CAMTA1: variants seen among roughly 807,000 people sequenced by gnomAD.
CAMTA1 encodes the protein calmodulin-binding transcription activator 1.
Under a neutral mutation model 170.9 loss-of-function variants are expected in CAMTA1, and 27 were observed. That is an observed-to-expected ratio of 0.16 (90% CI 0.12 to 0.22). CAMTA1 has a LOEUF of 0.22. Among genes scored for constraint, CAMTA1 ranks in the 10% least tolerant of loss-of-function variants. CAMTA1 has a pLI of 1.00. For missense variants in CAMTA1, 1,619 were observed against 2,217.2 expected (o/e 0.73, Z 5.42); for synonymous variants, 833 against 891.5 (o/e 0.93, Z 1.17).
chr1:7,221,616 G>C (rs1660785078), intron 4 of CAMTA1, among the ~76,000 whole-genome samples: 1 of 152,100 alleles, frequency 6.6e-6, no homozygotes, highest in Non-Finnish European at 1.5e-5. Context: ...CCCGTGGAAT[G>C]GGGTGGGGAA....
At chr1:7,549,887 G>A (rs542861158) in intron 6 of CAMTA1, among the ~76,000 whole-genome samples, 2 of 152,232 alleles carry the variant, frequency 1.3e-5, no homozygotes, top group African/African-American at 4.8e-5. Flanking sequence ...GGCCCTGGGG[G>A]CTCAGAGAAG....
At chr1:7,666,861 C>T (rs1392754462) in intron 9 of CAMTA1, among the ~76,000 whole-genome samples, 2 of 151,850 alleles carry the variant, frequency 1.3e-5, no homozygotes, top group African/African-American at 2.4e-5. Flanking sequence ...GTTTCTGACC[C>T]CCCTGCTGTT....
At chr1:6,799,066 CTTA>C (rs1362974513) in intron 1 of CAMTA1, among the ~76,000 whole-genome samples, 1 of 151,890 alleles carries the variant, frequency 6.6e-6, no homozygotes, top group Non-Finnish European at 1.5e-5. Context: ...TTATTCGTTA[CTTA>C]TTATTAATTA....
At chr1:7,750,744 G>A (rs761761967) in intron 19 of CAMTA1, among the ~76,000 whole-genome samples, 4 of 152,214 alleles carry the variant, frequency 2.6e-5, no homozygotes, top group East Asian at 1.9e-4. Flanking sequence ...GAAACTTGTC[G>A]TGTGGAATGA....
intron 6 of CAMTA1, among the ~76,000 whole-genome samples, chr1:7,526,449 G>A (rs2094432970): frequency 6.6e-6 from 1 of 152,174 alleles, no homozygotes; most frequent in South Asian, 2.1e-4. Context: ...CCCCTGCAGT[G>A]GAAGAGGCTG....
chr1:6,936,961 C>A (rs1685418097), intron 3 of CAMTA1, among the ~76,000 whole-genome samples: 1 of 152,070 alleles, frequency 6.6e-6, no homozygotes, highest in Non-Finnish European at 1.5e-5. Flanking sequence ...GCACTCCAGC[C>A]TGGGCGACAG....
chr1:7,255,468 A>G (rs940121469), intron 5 of CAMTA1, among the ~76,000 whole-genome samples: 4 of 151,848 alleles, frequency 2.6e-5, no homozygotes, highest in African/African-American at 9.7e-5. Flanking sequence ...CTAGGTCCAC[A>G]TTGTCTTAGC....
intron 4 of CAMTA1, among the ~76,000 whole-genome samples, chr1:7,096,682 T>G (rs1287082887): frequency 1.3e-5 from 2 of 152,220 alleles, no homozygotes; most frequent in Non-Finnish European, 2.9e-5. Flanking sequence ...ATTCACATCC[T>G]CATTTTCGTA....
chr1:7,149,865 G>A (rs1219079715), intron 4 of CAMTA1, among the ~76,000 whole-genome samples: 3 of 152,218 alleles, frequency 2.0e-5, no homozygotes, highest in Non-Finnish European at 4.4e-5. Flanking sequence ...GGAGCAGCAT[G>A]TTTATGGCAA....
At chr1:7,135,736 AT>A (rs1014788899) in intron 4 of CAMTA1, among the ~76,000 whole-genome samples, 3 of 152,160 alleles carry the variant, frequency 2.0e-5, no homozygotes, top group Non-Finnish European at 2.9e-5. Flanking sequence ...TTCCTTGAAG[AT>A]TTTAGCACCT....
intron 5 of CAMTA1, among the ~76,000 whole-genome samples, chr1:7,278,524 C>T (rs1333406298): frequency 3.3e-5 from 5 of 152,190 alleles, no homozygotes; most frequent in African/African-American, 1.2e-4. Context: ...AACAACTCTG[C>T]AATGTTTCAT....
intron 3 of CAMTA1, among the ~76,000 whole-genome samples, chr1:6,901,502 A>T (rs1676928883): frequency 1.3e-5 from 2 of 152,274 alleles, no homozygotes; most frequent in Non-Finnish European, 2.9e-5. Flanking sequence ...TCCATAATGT[A>T]TGAAGAACTT....
rs191175515 is a variant in CAMTA1 at position 6,908,078 on chromosome 1, C to T, written c.234+82868C>T. On this transcript the variant is annotated intron_variant, in intron 3 of 22. Transcript: ENST00000303635. The stretch of plus-strand genomic sequence containing the variant: ...CCAAGTAAGTTGCTGTCCCTTCTGC[C>T]TGGACCCCCAGACAGTGCCCACCCT... Among the ~76,000 whole-genome samples, 265 of 152,334 alleles carry T rather than the reference C, an allele frequency of 1.7e-3. 1 individual carries two copies. The highest frequency in any genetic ancestry group is 3.4e-3 in the Middle Eastern group (1 of 294).
At chr1:7,723,919 A>T (rs562181186) in intron 11 of CAMTA1, among the ~76,000 whole-genome samples, 4 of 152,320 alleles carry the variant, frequency 2.6e-5, no homozygotes. Flanking sequence ...TCCTGGGTTC[A>T]AGTAACTCTC....
chr1:7,269,958 G>GA (rs1163643644), intron 5 of CAMTA1, among the ~76,000 whole-genome samples: 1 of 151,964 alleles, frequency 6.6e-6, no homozygotes, highest in Non-Finnish European at 1.5e-5. Context: ...ATTAGGCAGA[G>GA]AAAAACACAT....
rs942956218 is a variant in CAMTA1, at chr1:7,489,973, C to A, written c.510+22072C>A. 7.9e-5 allele frequency among the ~76,000 whole-genome samples: 12 copies of A among 152,196 alleles called. 1 individual carries two copies. Among genetic ancestry groups the A allele is most frequent in the Admixed American group, 6.5e-4 (10 of 15,274 alleles). On this transcript the variant is annotated intron_variant, in intron 6 of 22. Coordinates refer to ENST00000303635, the MANE Select transcript of CAMTA1 (RefSeq NM_015215.4). The stretch of plus-strand genomic sequence containing the variant: ...AGCGGTTACGGGAGGGCACTTGGAT[C>A]CCCGAGGAAATGTTCCACGCCGGGA...
At chr1:7,123,464 CAT>C in intron 4 of CAMTA1, among the ~76,000 whole-genome samples, 1 of 152,270 alleles carries the variant, frequency 6.6e-6, no homozygotes, top group South Asian at 2.1e-4. Flanking sequence ...GGGACTCTAA[CAT>C]ATTTGGGGAC....
chr1:6,812,732 A>T (rs1040947665), intron 1 of CAMTA1, among the ~76,000 whole-genome samples: 6 of 152,238 alleles, frequency 3.9e-5, no homozygotes, highest in African/African-American at 1.4e-4. Context: ...AAACTGTAAA[A>T]TCACTTTAAA....
intron 3 of CAMTA1, among the ~76,000 whole-genome samples, chr1:6,926,435 TTTCTCTTTCTTTCTTTC>T (rs1301067144): frequency 2.6e-5 from 3 of 116,934 alleles, no homozygotes; most frequent in African/African-American, 1.0e-4. Flanking sequence ...CTTTCTTTCT[TTTCTCTTTCTTTCTTTC>T]TTTCTTTCTT....
Sources: gnomAD v4.1 joint callset for allele counts (sites outside exome capture counted in the v4.1 genomes callset) on GRCh38, gnomAD v4.1.1 for gene constraint, MANE v1.5 for transcripts, NCBI Gene and HGNC (gene_info 2026-07-23, HGNC 2026-07-21) for gene names.